EIF3A: variants seen among roughly 807,000 people sequenced by gnomAD.
The protein encoded by EIF3A is eukaryotic translation initiation factor 3 subunit A.
In EIF3A, 21 loss-of-function variants were observed where a neutral mutation model predicts 186.6. The ratio of observed to expected loss-of-function variants is 0.11; its 90% CI spans 0.08 to 0.16. The LOEUF (loss-of-function observed/expected upper bound fraction) is 0.16, where lower values mean the gene tolerates loss of function less well. Among genes scored for constraint, EIF3A ranks in the 10% least tolerant of loss-of-function variants. The probability of loss-of-function intolerance (pLI) is 1.00; values close to 1 mark genes in which losing one functional copy is unlikely to be tolerated. For missense variants in EIF3A, 1,306 were observed against 1,796.3 expected, an observed-to-expected ratio of 0.73 and a Z score of 4.93; for synonymous variants, 563 against 584.3, an observed-to-expected ratio of 0.96 and a Z score of 0.52.
chr10:119,073,609 T>A, intron 2 of EIF3A, 32 bp from the exon 3 acceptor site: 1 of 1,594,970 alleles, frequency 6.3e-7, no homozygotes, highest in South Asian at 1.1e-5. Flanking sequence ...TCTTCAGAAC[T>A]TATTTTTCCA....
intron 7 of EIF3A, among the ~76,000 whole-genome samples, chr10:119,062,841 G>A (rs1473658857): frequency 3.8e-5 from 5 of 132,164 alleles, no homozygotes; most frequent in South Asian, 2.6e-4. Context: ...TATGCCTCCC[G>A]GGTTCAAGCG....
At position 119,050,672 on chromosome 10, in the gene EIF3A, T is replaced by C; in HGVS notation, c.2322A>G (p.Glu774=). 1.2e-6 allele frequency: 2 copies of C among 1,613,952 alleles called. No individual in the cohort carries two copies. Among genetic ancestry groups the C allele is most frequent in the Non-Finnish European group, 1.7e-6 (2 of 1,180,014 alleles). The change falls in exon 16 of 22, where the codon GAA becomes GAG. Residue 774 remains glutamate, a splice_region_variant and synonymous_variant. Transcript: ENST00000369144. ...ATCGCTCTTCAAACTGTTTAAGTTT[T>C]TCCTGCAATCGAAGTAACCCCCAAC... The part of the protein sequence containing the change: ...LKAARQSVYE[E]KLKQFEERLA...
At chr10:119,078,580 T>A (rs544099118) in intron 1 of EIF3A, among the ~76,000 whole-genome samples, 1 of 152,164 alleles carries the variant, frequency 6.6e-6, no homozygotes, top group Non-Finnish European at 1.5e-5. Context: ...TGAGAAGGGA[T>A]CCCTCACAAT....
rs751940205 is a variant in EIF3A at position 119,073,892 on chromosome 10, T to A, written c.95A>T (p.Tyr32Phe). 1.2e-6 allele frequency: 2 copies of A among 1,607,994 alleles called. No individual in the cohort carries two copies. The highest frequency in any genetic ancestry group is 1.7e-6 in the Non-Finnish European group (2 of 1,178,416). Residue 32 changes from tyrosine (Y) to phenylalanine (F), a missense_variant, in exon 2 of 22, where the codon TAT (tyrosine) becomes TTT (phenylalanine). Coordinates refer to ENST00000369144, the MANE Select transcript of EIF3A (RefSeq NM_003750.4). ...GKKQPALDVL[Y>F]DVMKSKKHRT... ...ATGTTTTTTACTTTTCATAACATCA[T>A]AAAGAACATCCAGAGCAGGCTGCTT...
At chr10:119,062,882 G>A (rs910747910) in intron 7 of EIF3A, among the ~76,000 whole-genome samples, 2 of 151,134 alleles carry the variant, frequency 1.3e-5, no homozygotes, top group Admixed American at 6.6e-5. Flanking sequence ...CGATTAGCTG[G>A]GATTACACGC....
intron 7 of EIF3A, among the ~76,000 whole-genome samples, chr10:119,063,943 G>C (rs1054141641): frequency 6.6e-6 from 1 of 152,192 alleles, no homozygotes; most frequent in African/African-American, 2.4e-5. Flanking sequence ...AACCACTGTA[G>C]TGGTGCGTGC....
chr10:119,037,946 T>C (rs615297), intron 20 of EIF3A, among the ~76,000 whole-genome samples: 137,468 of 137,642 alleles, frequency 1, 68,648 homozygotes, highest in Middle Eastern at 1. Flanking sequence ...GACGGAGTTT[T>C]GCTCTTGTTG....
intron 17 of EIF3A, among the ~76,000 whole-genome samples, chr10:119,045,682 C>T (rs1180540245): frequency 4.6e-5 from 7 of 152,194 alleles, no homozygotes; most frequent in Non-Finnish European, 1.0e-4. Context: ...ATACTCCCTC[C>T]CACCTCAGTT....
intron 11 of EIF3A, 102 bp downstream of exon 11, chr10:119,059,110 C>A: frequency 5.9e-6 from 5 of 853,820 alleles, no homozygotes; most frequent in South Asian, 1.6e-5. Context: ...ATCATAAATC[C>A]CTTCTCTCAG....
chr10:119,077,462 T>TA (rs1314257472), intron 1 of EIF3A, among the ~76,000 whole-genome samples: 1 of 151,808 alleles, frequency 6.6e-6, no homozygotes, highest in African/African-American at 2.4e-5. Context: ...AATAAATAAA[T>TA]AAATAGTTGG....
At chr10:119,051,650 T>C (rs771663986) in intron 14 of EIF3A, among the ~76,000 whole-genome samples, 17 of 152,178 alleles carry the variant, frequency 1.1e-4, no homozygotes, top group Non-Finnish European at 2.5e-4. Flanking sequence ...CAATAAAGAA[T>C]ATTGCAATAA....
chr10:119,050,009 A>G (rs761245310), intron 16 of EIF3A, 24 bp from the exon 17 acceptor site: 1 of 1,608,694 alleles, frequency 6.2e-7, no homozygotes, highest in East Asian at 2.2e-5. Flanking sequence ...TAGGTTACTA[A>G]GTGTGCCTCC....
At chr10:119,079,979 G>A (rs1195175089) in intron 1 of EIF3A, among the ~76,000 whole-genome samples, 1 of 152,116 alleles carries the variant, frequency 6.6e-6, no homozygotes, top group Non-Finnish European at 1.5e-5. Context: ...TCAATGCCAG[G>A]AAAAATGAAA....
chr10:119,071,224 G>A, intron 4 of EIF3A, 139 bp from the exon 5 acceptor site: 2 of 664,546 alleles, frequency 3.0e-6, no homozygotes, highest in Non-Finnish European at 5.2e-6. Flanking sequence ...GATGCAATGA[G>A]AATCAACTTA....
intron 18 of EIF3A, among the ~76,000 whole-genome samples, chr10:119,043,664 C>A (rs113199220): frequency 0.052 from 7,874 of 151,920 alleles, 643 homozygotes; most frequent in African/African-American, 0.17. Context: ...TCATGCCTGT[C>A]ATCCCAGCAA....
intron 1 of EIF3A, among the ~76,000 whole-genome samples, chr10:119,076,937 CAAA>C (rs71016536): frequency 8.1e-6 from 1 of 123,454 alleles, no homozygotes. Flanking sequence ...GACTCTGTCT[CAAA>C]AAAAAAAAAA....
chr10:119,044,622 G>C (rs906035123), intron 17 of EIF3A, among the ~76,000 whole-genome samples: 1 of 152,224 alleles, frequency 6.6e-6, no homozygotes, highest in Non-Finnish European at 1.5e-5. Context: ...GCCGAGGCAG[G>C]TGGATCACGA....
Position 119,038,078 on chromosome 10 carries a change from G to A in EIF3A, c.3728+160C>T, listed in dbSNP as rs566955985. On this transcript the variant is annotated intron_variant, in intron 20 of 21. Transcript: ENST00000369144. Reference sequence around the variant, plus strand: ...ATTACAGGCATGCGCCACCACGCCCGGCTAATTTTGTATTTTTTAGTAGAG... The same window carrying A: ...ATTACAGGCATGCGCCACCACGCCCAGCTAATTTTGTATTTTTTAGTAGAG... 497 of 638,362 alleles carry A rather than the reference G, an allele frequency of 7.8e-4. 1 individual carries two copies. Among genetic ancestry groups the A allele is most frequent in the South Asian group, 4.8e-3 (264 of 54,496 alleles). 39.5% of individuals were successfully genotyped at this position (638,362 alleles called of 1,614,324 possible).
Position 119,058,128 on chromosome 10 carries a change from T to C in EIF3A, c.1805A>G (p.Gln602Arg). 6.2e-7 allele frequency: 1 copy of C among 1,614,200 alleles called. No individual in the cohort carries two copies. The highest frequency in any genetic ancestry group is 8.5e-7 in the Non-Finnish European group (1 of 1,180,036). ...EELEQREAEL[Q>R]KVRKAEEERL... ...CTCTTCCTCAGCCTTCCGCACTTTC[T>C]GGAGTTCAGCTTCCCTCTGTTCCAA... is the stretch of plus-strand genomic sequence containing the variant. Residue 602 changes from glutamine (Q) to arginine (R), a missense_variant, in exon 12 of 22, where the codon CAG becomes CGG. Gln to Arg is a conservative substitution (Grantham distance 43). Around this residue, in one of 8 missense-constraint regions of EIF3A, gnomAD observed 94 missense variants for 204.9 expected, o/e 0.46. Coordinates refer to ENST00000369144, the MANE Select transcript of EIF3A (RefSeq NM_003750.4).
Sources: allele counts gnomAD v4.1 joint callset (sites outside exome capture counted in the v4.1 genomes callset), GRCh38; gene constraint gnomAD v4.1.1; regional missense constraint gnomAD v4.1.1; transcripts MANE v1.5; gene names NCBI Gene and HGNC (gene_info 2026-07-23, HGNC 2026-07-21).